Variants in LPIN1 observed in about 807,000 individuals in gnomAD.
LPIN1 encodes phosphatidate phosphatase LPIN1.
A neutral mutation model predicts 107.5 loss-of-function variants in LPIN1; 71 were observed. The ratio of observed to expected loss-of-function variants is 0.66; its 90% confidence interval spans 0.55 to 0.80. LPIN1 has a LOEUF of 0.80. LPIN1 is among the 30% of genes least tolerant of loss of function. LPIN1 has a pLI of 0.00. For missense variants in LPIN1, 1,043 were observed against 1,160.6 expected (o/e 0.90, Z 1.47); for synonymous variants, 445 against 452.6 (o/e 0.98, Z 0.21).
intron 1 of LPIN1, among the ~76,000 whole-genome samples, chr2:11,755,315 C>G (rs528398135): frequency 2.0e-5 from 3 of 152,236 alleles, no homozygotes; most frequent in Admixed American, 6.5e-5. Context: ...CGTGCCCCGA[C>G]TTGCCAAGCT....
intron 1 of LPIN1, among the ~76,000 whole-genome samples, chr2:11,712,443 G>A (rs1196914934): frequency 1.3e-5 from 2 of 152,196 alleles, no homozygotes; most frequent in South Asian, 4.1e-4. Context: ...TGGCCACAGA[G>A]ATCTTTGTTA....
At chr2:11,727,357 T>C (rs1185123589) in intron 1 of LPIN1, among the ~76,000 whole-genome samples, 1 of 152,270 alleles carries the variant, frequency 6.6e-6, no homozygotes, top group African/African-American at 2.4e-5. Context: ...TCTAATTTCC[T>C]GTGTTCTTTC....
At chr2:11,689,830 G>A (rs987896116) in intron 1 of LPIN1, among the ~76,000 whole-genome samples, 1 of 152,122 alleles carries the variant, frequency 6.6e-6, no homozygotes, top group Non-Finnish European at 1.5e-5. Flanking sequence ...TCTTGAACCC[G>A]GGAGGTGGAG....
intron 1 of LPIN1, among the ~76,000 whole-genome samples, chr2:11,735,485 C>CAATAACTCTCCTAAGTGT (rs1437905098): frequency 8.5e-5 from 13 of 152,188 alleles, no homozygotes; most frequent in Admixed American, 3.9e-4. Context: ...AGGAGATTGA[C>CAATAACTCTCCTAAGTGT]AATAACTCTC....
intron 1 of LPIN1, among the ~76,000 whole-genome samples, chr2:11,711,546 T>C (rs1339841120): frequency 6.6e-6 from 1 of 152,182 alleles, no homozygotes; most frequent in East Asian, 1.9e-4. Context: ...AATTCATCCC[T>C]CTTGCTTTCC....
At chr2:11,753,485 A>G (rs1668178473) in intron 1 of LPIN1, among the ~76,000 whole-genome samples, 1 of 152,226 alleles carries the variant, frequency 6.6e-6, no homozygotes, top group Non-Finnish European at 1.5e-5. Context: ...TCTGGCCAGG[A>G]CAGTTTAACC....
At chr2:11,768,256 A>G (rs1558854628) in intron 3 of LPIN1, among the ~76,000 whole-genome samples, 1 of 152,264 alleles carries the variant, frequency 6.6e-6, no homozygotes, top group Non-Finnish European at 1.5e-5. Context: ...TATACATCAC[A>G]TATACACAAT....
At chr2:11,811,963 G>GCA (rs1558291228) in intron 17 of LPIN1, among the ~76,000 whole-genome samples, 1 of 151,940 alleles carries the variant, frequency 6.6e-6, no homozygotes, top group East Asian at 1.9e-4. Flanking sequence ...CCAGCCTGGT[G>GCA]ACACAGCGAG....
intron 3 of LPIN1, among the ~76,000 whole-genome samples, chr2:11,770,866 C>T (rs1036721925): frequency 1.3e-5 from 2 of 152,132 alleles, no homozygotes; most frequent in Admixed American, 6.5e-5. Context: ...GCGGGGCTAT[C>T]GGTTGTTTTA....
chr2:11,795,349 C>A lies in LPIN1; in HGVS notation c.1807-59C>A, dbSNP rs532696978. The A allele has an allele frequency of 1.8e-5, 26 of 1,407,910 alleles. No homozygotes were observed. The African/African-American group carries it at 3.1e-4, about 17-fold the overall frequency. 87.2% of individuals were successfully genotyped at this position (1,407,910 alleles called of 1,614,324 possible). On this transcript the variant is annotated intron_variant, in intron 13 of 20. Transcript: ENST00000674199. ...AAGGAAGCCCATGGGAAAACACCGG[C>A]TGTCTGCAAGCCCCTTCTCTGTGGT...
At chr2:11,721,951 T>C (rs1192331538), upstream of LPIN1, 2 of 152,272 alleles carry the variant, frequency 1.3e-5, no homozygotes, top group Admixed American at 6.5e-5. Context: ...ATCATTCATC[T>C]GTGGTTGCTC....
chr2:11,826,385 C>T lies in LPIN1; in HGVS notation c.*1594C>T, dbSNP rs1682372817. On this transcript the variant is annotated 3_prime_UTR_variant, in exon 21 of 21. Coordinates refer to ENST00000674199, the MANE Select transcript of LPIN1 (RefSeq NM_001349206.2). ...TCGATCGCAGATTTCTGTAGAAACA[C>T]GGATGTGCATGTGCAGATTCCCTTT... The T allele has an allele frequency of 6.6e-6, 1 of 152,448 alleles. No homozygotes were observed. The highest frequency in any genetic ancestry group is 2.1e-4 in the South Asian group (1 of 4,822). The allele number at this position is 152,448 out of a possible 1,614,324, so 9.4% of individuals were successfully genotyped here. A position where few individuals can be genotyped will look rare whatever the true frequency, so the allele number is the denominator to read the frequency against.
upstream of LPIN1, among the ~76,000 whole-genome samples, chr2:11,743,429 A>G (rs2148560732): frequency 6.6e-6 from 1 of 152,262 alleles, no homozygotes; most frequent in Middle Eastern, 3.4e-3. The surrounding 1 kb of genome is among the most constrained non-coding windows in gnomAD (Gnocchi z 4.7). Context: ...TCAGCCAGCC[A>G]CAGCACCCAG....
chr2:11,821,001 T>G (rs1275581943), intron 20 of LPIN1, among the ~76,000 whole-genome samples: 7 of 152,240 alleles, frequency 4.6e-5, no homozygotes, highest in Admixed American at 4.6e-4. Context: ...TAAATGGGAT[T>G]ACTCTTTCTA....
At chr2:11,726,644 C>G (rs1664692289) in intron 1 of LPIN1, among the ~76,000 whole-genome samples, 2 of 152,144 alleles carry the variant, frequency 1.3e-5, no homozygotes, top group Non-Finnish European at 2.9e-5. Context: ...CTTTAGCAAT[C>G]ATGTGATAGT....
In LPIN1 at chr2:11,771,205, C is replaced by A. The variant is rs1288873559; in HGVS notation, c.289-167C>A. ...TCTGATCTTCTACCAGATTGGGCAGCCACATCTCCAGGTCACCATGGCTGT... is the reference window on the plus strand; with the variant it reads ...TCTGATCTTCTACCAGATTGGGCAGACACATCTCCAGGTCACCATGGCTGT... On this transcript the variant is annotated intron_variant, in intron 3 of 20. Transcript: ENST00000674199. The surrounding 1 kb of genome is among the most constrained non-coding windows in gnomAD (Gnocchi z 4.8). 1.3e-5 allele frequency among the ~76,000 whole-genome samples: 2 copies of A among 152,240 alleles called. No homozygotes were observed. Among genetic ancestry groups the A allele is most frequent in the Non-Finnish European group, 2.9e-5 (2 of 68,042 alleles).
intron 1 of LPIN1, among the ~76,000 whole-genome samples, chr2:11,740,321 C>T (rs1287030615): frequency 6.6e-6 from 1 of 152,202 alleles, no homozygotes; most frequent in Non-Finnish European, 1.5e-5. Flanking sequence ...ACCAGAAACA[C>T]ACTCAAAGAC....
chr2:11,786,024 T>C lies in LPIN1; in HGVS notation c.1549+948T>C, dbSNP rs941087959. 2.0e-5 allele frequency among the ~76,000 whole-genome samples: 3 copies of C among 151,434 alleles called. No individual in the cohort carries two copies. Among genetic ancestry groups the C allele is most frequent in the African/African-American group, 7.3e-5 (3 of 41,118 alleles). On this transcript the variant is annotated intron_variant, in intron 10 of 20. Transcript: ENST00000674199. The surrounding 1 kb of genome is among the most constrained non-coding windows in gnomAD (Gnocchi z 4.1). ...GCTCTCTGGACACTGGCGTGAGGAGTCCCCTGGGCGTTCCCTCCCTGATAT... is the reference window on the plus strand; with the variant it reads ...GCTCTCTGGACACTGGCGTGAGGAGCCCCCTGGGCGTTCCCTCCCTGATAT...
intron 6 of LPIN1, among the ~76,000 whole-genome samples, chr2:11,778,960 G>A (rs563159943): frequency 6.6e-6 from 1 of 152,158 alleles, no homozygotes; most frequent in African/African-American, 2.4e-5. Flanking sequence ...CAACTTGTAG[G>A]CTCCTGCCCA....
Sources: allele counts gnomAD v4.1 joint callset (sites outside exome capture counted in the v4.1 genomes callset), GRCh38; gene constraint gnomAD v4.1.1; non-coding constraint Gnocchi (gnomAD v3.1); transcripts MANE v1.5; gene names NCBI Gene and HGNC (gene_info 2026-07-23, HGNC 2026-07-21).